Variants in ZSWIM8 observed in about 807,000 individuals in gnomAD.
The protein encoded by ZSWIM8 is zinc finger SWIM domain-containing protein 8.
In ZSWIM8, 27 loss-of-function variants were observed where a neutral mutation model predicts 173.7. The observed-to-expected ratio is 0.16, with a 90% CI of 0.11 to 0.21. The LOEUF is 0.21. Among genes scored for constraint, ZSWIM8 ranks in the 10% least tolerant of loss-of-function variants. The pLI is 1.00. For synonymous variants in ZSWIM8, 958 were observed against 962.0 expected (o/e 1.00, Z 0.08); for missense variants, 1,627 against 2,428.8 (o/e 0.67, Z 6.94).
rs757374054 is a variant in ZSWIM8, at chr10:73,797,337, G to A, written c.3434-40G>A. The A allele has an allele frequency of 1.9e-6, 3 of 1,612,802 alleles. No individual in the cohort carries two copies. Among genetic ancestry groups the A allele is most frequent in the Non-Finnish European group, 2.5e-6 (3 of 1,179,058 alleles). ...CTGAAGGTTGGAGTCTTAACATCTGGGACTCCTGACTTCTGAGACTGACTT... is the reference window on the plus strand; with the variant it reads ...CTGAAGGTTGGAGTCTTAACATCTGAGACTCCTGACTTCTGAGACTGACTT... On this transcript the variant is annotated intron_variant, in intron 17 of 25. Transcript: ENST00000604729. The surrounding 1 kb of genome is among the most constrained non-coding windows in gnomAD (Gnocchi z 5.6).
chr10:73,799,789 C>T (rs1183509457), intron 21 of ZSWIM8: 21 of 633,292 alleles, frequency 3.3e-5, no homozygotes, highest in Non-Finnish European at 5.4e-5. Flanking sequence ...TGAGTGCACG[C>T]CTGTAATCCC....
Position 73,797,702 on chromosome 10 carries a change from T to G in ZSWIM8, c.3663-79T>G. Reference sequence around the variant, plus strand: ...CCATTGTCTCCCAGCATCCTCACTTTCCCTGGTCCTTCCCAACCTACCCGG... The same window carrying G: ...CCATTGTCTCCCAGCATCCTCACTTGCCCTGGTCCTTCCCAACCTACCCGG... On this transcript the variant is annotated intron_variant, in intron 18 of 25. Coordinates refer to ENST00000604729, the MANE Select transcript of ZSWIM8 (RefSeq NM_001367799.1). This position sits in a 1 kb window ranked among gnomAD's most constrained non-coding sequence, Gnocchi z 5.6. 1 of 1,564,844 alleles carries G rather than the reference T, an allele frequency of 6.4e-7. No homozygotes were observed. The highest frequency in any genetic ancestry group is 1.9e-4 in the Middle Eastern group (1 of 5,264).
chr10:73,795,784 C>T, intron 15 of ZSWIM8, 121 bp downstream of exon 15: 1 of 1,112,490 alleles, frequency 9.0e-7, no homozygotes, highest in Admixed American at 2.9e-5. Flanking sequence ...ATGGCGAAAC[C>T]CCGTCTCTAC....
At position 73,796,902 on chromosome 10, in the gene ZSWIM8, C is replaced by T. The variant is rs769793400; in HGVS notation, c.3162C>T (p.Ala1054=). The part of the protein sequence containing the change: ...RSPSKHGGPS[A]PGALQPLTSG... ...CTTCAAAGCACGGGGGCCCATCTGC[C>T]CCAGGGGCCCTGCAACCACTGACCT... Residue 1054 remains alanine, a synonymous_variant, in exon 16 of 26, where the codon GCC becomes GCT. Transcript: ENST00000604729. The T allele has an allele frequency of 1.8e-5, 29 of 1,613,942 alleles. No individual in the cohort carries two copies. Among genetic ancestry groups the T allele is most frequent in the Admixed American group, 1.3e-4 (8 of 60,006 alleles).
chr10:73,786,443 G>T (rs950713728), intron 1 of ZSWIM8: 5 of 247,094 alleles, frequency 2.0e-5, no homozygotes, highest in Middle Eastern at 1.2e-3. Context: ...TAAGGGAGAA[G>T]AATCTTGTCT....
Position 73,792,964 on chromosome 10 carries a change from T to TG in ZSWIM8, c.2313+113dup, listed in dbSNP as rs926671508. The TG allele has an allele frequency of 9.0e-6, 12 of 1,326,802 alleles. No individual in the cohort carries two copies. Among genetic ancestry groups the TG allele is most frequent in the Non-Finnish European group, 1.2e-5 (12 of 983,542 alleles). The allele number at this position is 1,326,802 out of a possible 1,614,324, so 82.2% of individuals were successfully genotyped here. Reference sequence around the variant, plus strand: ...ATCAGCAGGATTGTGAGAACCCTGTTGCAGGCGCCGAACTGGTCTCCCTGC... The same window carrying TG: ...ATCAGCAGGATTGTGAGAACCCTGTTGGCAGGCGCCGAACTGGTCTCCCTGC... On this transcript the variant is annotated intron_variant, in intron 10 of 25. Coordinates refer to ENST00000604729, the MANE Select transcript of ZSWIM8 (RefSeq NM_001367799.1). This position sits in a 1 kb window ranked among gnomAD's most constrained non-coding sequence, Gnocchi z 4.3.
At position 73,799,359 on chromosome 10, in the gene ZSWIM8, C is replaced by A. The variant is rs777848672; in HGVS notation, c.4534C>A (p.Pro1512Thr). ...LGHGHSPGLHPYTALQPHLPC... is the reference protein window; with the variant it reads ...LGHGHSPGLHTYTALQPHLPC... ...GCATGGCCACTCCCCTGGCCTGCAC[C>A]CCTACACTGCTCTACAGCCCCACCT... is the stretch of plus-strand genomic sequence containing the variant. Residue 1512 changes from proline (P) to threonine (T), a missense_variant, in exon 21 of 26, where the codon CCC (proline) becomes ACC (threonine). Pro to Thr is a conservative substitution (Grantham distance 38, BLOSUM62 -1). Around this residue, in one of 18 missense-constraint regions of ZSWIM8, gnomAD observed 275 missense variants for 290.1 expected, o/e 0.95. Transcript: ENST00000604729. The A allele has an allele frequency of 6.2e-7, 1 of 1,611,732 alleles. No individual in the cohort carries two copies. Among genetic ancestry groups the A allele is most frequent in the Non-Finnish European group, 8.5e-7 (1 of 1,179,074 alleles).
Position 73,792,802 on chromosome 10 carries a change from C to G in ZSWIM8, c.2263C>G (p.His755Asp), listed in dbSNP as rs1371814654. The change falls in exon 10 of 26, where the codon CAC becomes GAC. Residue 755 changes from histidine to aspartate, a missense_variant. By Grantham distance (81) the His-to-Asp change is moderately conservative. Around this residue, in one of 18 missense-constraint regions of ZSWIM8, gnomAD observed 383 missense variants for 394.8 expected, o/e 0.97. Transcript: ENST00000604729. The surrounding 1 kb of genome is among the most constrained non-coding windows in gnomAD (Gnocchi z 4.3). ...EKAEGGAGEEHDLFAGLKPLE... is the reference protein window; with the variant it reads ...EKAEGGAGEEDDLFAGLKPLE... ...GGCCGAGGGCGGGGCTGGGGAGGAG[C>G]ACGACCTGTTTGCTGGGCTGAAGCC... 1 of 1,600,090 alleles carries G rather than the reference C, an allele frequency of 6.2e-7. No homozygotes were observed. The highest frequency in any genetic ancestry group is 8.5e-7 in the Non-Finnish European group (1 of 1,176,640).
chr10:73,791,884 C>A lies in ZSWIM8; in HGVS notation c.1345C>A (p.Arg449=). ...GCGCCGGGAACTGTGTACGCAGCTG[C>A]GGCAGTGGCAACTGAAGGTGATTGA... The part of the protein sequence containing the change: ...QRRRELCTQL[R]QWQLKVIENV... Residue 449 remains arginine (R), a synonymous_variant, in exon 10 of 26, where the codon CGG becomes AGG. Coordinates refer to ENST00000604729, the MANE Select transcript of ZSWIM8 (RefSeq NM_001367799.1). The surrounding 1 kb of genome is among the most constrained non-coding windows in gnomAD (Gnocchi z 6.0). 6.5e-7 allele frequency: 1 copy of A among 1,539,716 alleles called. No individual in the cohort carries two copies. Among genetic ancestry groups the A allele is most frequent in the Non-Finnish European group, 8.8e-7 (1 of 1,138,766 alleles).
chr10:73,788,859 C>T, intron 2 of ZSWIM8, 36 bp downstream of exon 2: 2 of 1,610,316 alleles, frequency 1.2e-6, no homozygotes, highest in Non-Finnish European at 8.5e-7. Context: ...GAGCGGGGTC[C>T]TGATACTCCA....
At position 73,800,569 on chromosome 10, in the gene ZSWIM8, C is replaced by G. The variant is rs1196963127; in HGVS notation, c.5003-71C>G. On this transcript the variant is annotated intron_variant, in intron 23 of 25. Coordinates refer to ENST00000604729, the MANE Select transcript of ZSWIM8 (RefSeq NM_001367799.1). This position sits in a 1 kb window ranked among gnomAD's most constrained non-coding sequence, Gnocchi z 4.1. The stretch of plus-strand genomic sequence containing the variant: ...GCTCTTCATTTGTTTACTGTGGGGT[C>G]AGGTGACAGGTTGGGGTAAAGGGTG... 7.5e-6 allele frequency: 12 copies of G among 1,602,350 alleles called. No individual in the cohort carries two copies. The highest frequency in any genetic ancestry group is 9.4e-6 in the Non-Finnish European group (11 of 1,173,126).
intron 10 of ZSWIM8, 50 bp from the exon 11 acceptor site, chr10:73,793,538 C>T (rs2083497610): frequency 1.3e-6 from 2 of 1,529,578 alleles, no homozygotes; most frequent in Non-Finnish European, 1.8e-6. Context: ...TGATGTCCTG[C>T]TCCTGGAAGT....
chr10:73,786,492 T>G (rs1015557063), intron 1 of ZSWIM8: 17 of 174,732 alleles, frequency 9.7e-5, no homozygotes, highest in Non-Finnish European at 2.0e-4. Context: ...GTCTGAGGCA[T>G]ACCGGAAAGT....
At chr10:73,788,546 G>C (rs1345659788) in intron 1 of ZSWIM8, 124 bp from the exon 2 acceptor site, 2 of 1,215,610 alleles carry the variant, frequency 1.6e-6, no homozygotes, top group Non-Finnish European at 2.3e-6. Flanking sequence ...CTTTCATCCA[G>C]GTCTCTTCTT....
chr10:73,788,612 C>G (rs1393842372), intron 1 of ZSWIM8, 58 bp from the exon 2 acceptor site: 12 of 1,585,958 alleles, frequency 7.6e-6, no homozygotes, highest in Non-Finnish European at 1.0e-5. Flanking sequence ...TGCCAAGAGA[C>G]CATGGCCCTT....
In ZSWIM8 at chr10:73,792,092, C is replaced by T; in HGVS notation, c.1553C>T (p.Ala518Val). Reference protein sequence around the residue: ...WARALPSRPGASRSGGLEESR... With the variant: ...WARALPSRPGVSRSGGLEESR... The stretch of plus-strand genomic sequence containing the variant: ...CGGGCCCTGCCCTCTCGGCCAGGTG[C>T]CTCCCGCTCTGGGGGCCTGGAGGAA... The change falls in exon 10 of 26, where the codon GCC becomes GTC. Residue 518 changes from alanine to valine, a missense_variant. This residue lies in a region of ZSWIM8 where 383 missense variants were observed against 394.8 expected (regional missense o/e 0.97). Coordinates refer to ENST00000604729, the MANE Select transcript of ZSWIM8 (RefSeq NM_001367799.1). The surrounding 1 kb of genome is among the most constrained non-coding windows in gnomAD (Gnocchi z 4.3). 2 of 1,531,640 alleles carry T rather than the reference C, an allele frequency of 1.3e-6. No individual in the cohort carries two copies. The highest frequency in any genetic ancestry group is 1.8e-6 in the Non-Finnish European group (2 of 1,133,408). 94.9% of individuals were successfully genotyped at this position (1,531,640 alleles called of 1,614,324 possible). A position where few individuals can be genotyped will look rare whatever the true frequency, so the allele number is the denominator to read the frequency against.
rs750585142 is a variant in ZSWIM8 at position 73,800,384 on chromosome 10, C to T, written c.4914C>T (p.Ser1638=). 2.5e-6 allele frequency: 4 copies of T among 1,613,872 alleles called. No individual in the cohort carries two copies. Among genetic ancestry groups the T allele is most frequent in the South Asian group, 2.2e-5 (2 of 91,074 alleles). Residue 1638 remains serine (S), a synonymous_variant, in exon 23 of 26, where the codon AGC becomes AGT. Coordinates refer to ENST00000604729, the MANE Select transcript of ZSWIM8 (RefSeq NM_001367799.1). This position sits in a 1 kb window ranked among gnomAD's most constrained non-coding sequence, Gnocchi z 4.1. ...ALTTQPSPLV[S]GGFPPPEEET... ...CCACACAGCCCAGCCCTCTGGTGAG[C>T]GGAGGTTTTCCACCGCCCGAGGAGG...
At position 73,785,687 on chromosome 10, in the gene ZSWIM8, C is replaced by A; in HGVS notation, c.-192C>A. ...CTGGCCAAGATCACCGCTTGCACCG[C>A]GCTGTTGGGCGAGGCCCGGTCCCGT... is the stretch of plus-strand genomic sequence containing the variant. On this transcript the variant is annotated 5_prime_UTR_variant, in exon 1 of 26. Coordinates refer to ENST00000604729, the MANE Select transcript of ZSWIM8 (RefSeq NM_001367799.1). 1.5e-6 allele frequency: 1 copy of A among 667,988 alleles called. No homozygotes were observed. The highest frequency in any genetic ancestry group is 2.7e-6 in the Non-Finnish European group (1 of 366,554). 41.4% of individuals were successfully genotyped at this position (667,988 alleles called of 1,614,324 possible).
intron 14 of ZSWIM8, among the ~76,000 whole-genome samples, chr10:73,795,267 A>G (rs1018870743): frequency 5.3e-5 from 8 of 152,240 alleles, no homozygotes; most frequent in Admixed American, 2.0e-4. Context: ...ACACAACGCA[A>G]TCAAGTTTTC....
Sources: gnomAD v4.1 joint callset for allele counts (sites outside exome capture counted in the v4.1 genomes callset) on GRCh38, gnomAD v4.1.1 for gene constraint, gnomAD v4.1.1 regional missense constraint, Gnocchi (gnomAD v3.1) non-coding constraint, MANE v1.5 for transcripts, NCBI Gene and HGNC (gene_info 2026-07-23, HGNC 2026-07-21) for gene names.